NOX5: variants seen among roughly 807,000 people sequenced by gnomAD.
NOX5 encodes the protein NADPH oxidase, EF-hand calcium binding domain 5.
NOX5 carries 76 observed loss-of-function variants against 85.7 expected under a neutral mutation model. That is an observed-to-expected ratio of 0.89 (90% CI 0.74 to 1.07). The LOEUF (loss-of-function observed/expected upper bound fraction) is 1.07. Ranked by LOEUF, NOX5 falls within the 50% of genes least tolerant of loss-of-function variation. The probability of loss-of-function intolerance (pLI) is 0.00; values close to 1 mark genes in which losing one functional copy is unlikely to be tolerated. For synonymous variants in NOX5, 405 were observed against 401.4 expected, an observed-to-expected ratio of 1.01 and a Z score of -0.11; for missense variants, 973 against 999.5, an observed-to-expected ratio of 0.97 and a Z score of 0.36.
chr15:69,033,555 C>A (rs373229650), intron 5 of NOX5, among the ~76,000 whole-genome samples: 1 of 152,186 alleles, frequency 6.6e-6, no homozygotes, highest in African/African-American at 2.4e-5. Context: ...CTTCACAACT[C>A]CCCTATAGTG....
rs149060002 is a variant in NOX5 at position 69,053,521 on chromosome 15, A to T, written c.2000-1813A>T. On this transcript the variant is annotated intron_variant, in intron 14 of 15. Transcript: ENST00000388866. The stretch of plus-strand genomic sequence containing the variant: ...ATAATGAGTGGTATAGTTAGTGGTT[A>T]TACCGTAAATTATTTAACCAAGCTC... 2.5e-3 allele frequency among the ~76,000 whole-genome samples: 385 copies of T among 152,304 alleles called. 1 individual carries two copies. The highest frequency in any genetic ancestry group is 0.014 in the Middle Eastern group (4 of 294).
At chr15:69,039,805 C>T (rs1214595927) in intron 9 of NOX5, among the ~76,000 whole-genome samples, 3 of 152,232 alleles carry the variant, frequency 2.0e-5, no homozygotes, top group South Asian at 2.1e-4. Flanking sequence ...CACCCGTGCA[C>T]GTGCCTTCCT....
At position 69,042,780 on chromosome 15, in the gene NOX5, T is replaced by C. The variant is rs200973078; in HGVS notation, c.1622T>C (p.Met541Thr). Residue 541 changes from methionine to threonine, a missense_variant, in exon 10 of 16, where the codon ATG becomes ACG. Transcript: ENST00000388866. ...AAGAGGCTGTCGAGGAGTGTGACAA[T>C]GAGAAAGAGTCAAAGGTCGTCCAAG... ...GSKRLSRSVT[M>T]RKSQRSSKGS... 54 of 1,613,838 alleles carry C rather than the reference T, an allele frequency of 3.3e-5. No individual in the cohort carries two copies. The highest frequency in any genetic ancestry group is 7.6e-6 in the Non-Finnish European group (9 of 1,179,984).
intron 2 of NOX5, among the ~76,000 whole-genome samples, chr15:69,026,912 C>T (rs994936839): frequency 2.0e-5 from 3 of 152,176 alleles, no homozygotes; most frequent in Non-Finnish European, 2.9e-5. Context: ...CCACTAGGCT[C>T]ATGGGCAGAG....
chr15:69,025,906 A>G (rs1292332244), intron 1 of NOX5, among the ~76,000 whole-genome samples: 1 of 152,160 alleles, frequency 6.6e-6, no homozygotes, highest in Non-Finnish European at 1.5e-5. Flanking sequence ...GGGCCTGAAG[A>G]GTTAAGACCT....
intron 1 of NOX5, among the ~76,000 whole-genome samples, chr15:69,018,153 G>C (rs2050253533): frequency 6.6e-6 from 1 of 151,900 alleles, no homozygotes; most frequent in African/African-American, 2.4e-5. Flanking sequence ...AGGCATCCTA[G>C]GGAAACTCCA....
At chr15:69,042,480 C>T (rs1432257919) in intron 9 of NOX5, among the ~76,000 whole-genome samples, 183 bp from the exon 10 acceptor site, 2 of 152,186 alleles carry the variant, frequency 1.3e-5, no homozygotes, top group Non-Finnish European at 2.9e-5. Context: ...TCAAGGTCTG[C>T]CCCACAGAGA....
chr15:69,028,096 A>G (rs1418790237), intron 2 of NOX5, 119 bp from the exon 3 acceptor site: 18 of 1,082,574 alleles, frequency 1.7e-5, no homozygotes, highest in Middle Eastern at 2.2e-4. Context: ...CTGCCTGAAT[A>G]CCGCCACTCT....
Position 69,060,742 on chromosome 15 carries a change from T to C in NOX5, c.*4046T>C, listed in dbSNP as rs1480156115. 6.6e-6 allele frequency: 1 copy of C among 152,202 alleles called. No individual in the cohort carries two copies. The highest frequency in any genetic ancestry group is 2.4e-5 in the African/African-American group (1 of 41,442). 9.4% of individuals were successfully genotyped at this position (152,202 alleles called of 1,614,324 possible). A position where few individuals can be genotyped will look rare whatever the true frequency, so the allele number is the denominator to read the frequency against. ...TACCAAGTGTTTGATATAATCCTAT[T>C]TATAACACAGAAAATAAATGACATA... On this transcript the variant is annotated 3_prime_UTR_variant, in exon 16 of 16. Coordinates refer to ENST00000388866, the MANE Select transcript of NOX5 (RefSeq NM_024505.4).
At position 69,033,109 on chromosome 15, in the gene NOX5, C is replaced by T. The variant is rs1302818217; in HGVS notation, c.687C>T (p.Arg229=). 8 of 1,556,912 alleles carry T rather than the reference C, an allele frequency of 5.1e-6. No individual in the cohort carries two copies. In the African/African-American group the frequency reaches 5.4e-5, roughly 11 times the overall value. Reference sequence around the variant, plus strand: ...CGCGCCGGCCGCGCCAGCTGACCCGCGCCTACTGGCACAACCACCGCAGCC... The same window carrying T: ...CGCGCCGGCCGCGCCAGCTGACCCGTGCCTACTGGCACAACCACCGCAGCC... The part of the protein sequence containing the change: ...PRPRRPRQLT[R]AYWHNHRSQL... Residue 229 remains arginine (R), a synonymous_variant, in exon 5 of 16, where the codon CGC becomes CGT. Coordinates refer to ENST00000388866, the MANE Select transcript of NOX5 (RefSeq NM_024505.4).
intron 1 of NOX5, 66 bp downstream of exon 1, chr15:69,014,851 G>C (rs2050212594): frequency 8.4e-7 from 1 of 1,194,178 alleles, no homozygotes; most frequent in Non-Finnish European, 1.2e-6. Flanking sequence ...ATTTGCCTTT[G>C]TGGGATCTAC....
intron 5 of NOX5, 77 bp from the exon 6 acceptor site, chr15:69,035,277 T>G (rs1036785079): frequency 6.3e-5 from 94 of 1,492,192 alleles, no homozygotes; most frequent in Non-Finnish European, 7.4e-5. Context: ...CTCAGGAGGA[T>G]GCAGGGAGGT....
At chr15:69,039,845 A>G (rs998358154) in intron 9 of NOX5, among the ~76,000 whole-genome samples, 2 of 152,188 alleles carry the variant, frequency 1.3e-5, no homozygotes, top group Non-Finnish European at 2.9e-5. Flanking sequence ...TAGAGCTGCT[A>G]CCTGGACCTC....
intron 1 of NOX5, among the ~76,000 whole-genome samples, chr15:69,024,433 T>C (rs904792802): frequency 2.6e-5 from 4 of 152,072 alleles, no homozygotes; most frequent in Non-Finnish European, 5.9e-5. Flanking sequence ...CTTGAGCCTT[T>C]CTGCTCTGTC....
intron 2 of NOX5, among the ~76,000 whole-genome samples, chr15:69,027,552 G>A (rs2050374077): frequency 6.6e-6 from 1 of 152,062 alleles, no homozygotes; most frequent in South Asian, 2.1e-4. Context: ...CTGCCTTGAG[G>A]GGAGCATCCC....
At chr15:69,021,126 A>C (rs886718320) in intron 1 of NOX5, among the ~76,000 whole-genome samples, 4 of 152,100 alleles carry the variant, frequency 2.6e-5, no homozygotes, top group African/African-American at 9.7e-5. Flanking sequence ...GCTTTGTATA[A>C]GTTAAACTTG....
chr15:69,048,881 G>A (rs1359702934), intron 13 of NOX5, 78 bp from the exon 14 acceptor site: 1 of 1,032,726 alleles, frequency 9.7e-7, no homozygotes, highest in Non-Finnish European at 1.5e-6. Context: ...TGGTCATATG[G>A]GTCCCAGGGA....
chr15:69,048,854 C>G, intron 13 of NOX5, 105 bp from the exon 14 acceptor site: 1 of 714,166 alleles, frequency 1.4e-6, no homozygotes, highest in Non-Finnish European at 2.4e-6. Context: ...TCTGAATGTT[C>G]CCTGCTTACT....
intron 14 of NOX5, among the ~76,000 whole-genome samples, chr15:69,051,978 C>T (rs2050755459): frequency 6.6e-6 from 1 of 151,840 alleles, no homozygotes; most frequent in Non-Finnish European, 1.5e-5. Context: ...CTTTGGGAGG[C>T]CAAGGTAGGA....
Sources: gnomAD v4.1 joint callset for allele counts (sites outside exome capture counted in the v4.1 genomes callset) on GRCh38, gnomAD v4.1.1 for gene constraint, MANE v1.5 for transcripts, NCBI Gene and HGNC (gene_info 2026-07-23, HGNC 2026-07-21) for gene names.